Variants in PHLPP1 observed in about 807,000 individuals in gnomAD.
PHLPP1 encodes PH domain leucine-rich repeat-containing protein phosphatase 1.
Under a neutral mutation model 117.2 loss-of-function variants are expected in PHLPP1, and 42 were observed. The observed-to-expected ratio is 0.36, with a 90% CI of 0.28 to 0.46. The LOEUF is 0.46. Ranked by LOEUF, PHLPP1 falls within the 20% of genes least tolerant of loss-of-function variation. PHLPP1 has a pLI of 1.00. For missense variants in PHLPP1, 2,084 were observed against 2,241.9 expected, an observed-to-expected ratio of 0.93 and a Z score of 1.42; for synonymous variants, 1,042 against 970.7, an observed-to-expected ratio of 1.07 and a Z score of -1.37.
Position 62,873,794 on chromosome 18 carries a change from G to A in PHLPP1, c.2066+13193G>A, listed in dbSNP as rs112808968. On this transcript the variant is annotated intron_variant, in intron 4 of 16. Transcript: ENST00000262719. ...AACAAGAGTTAAGTTCTTAGGGCAT[G>A]TTTCTGGTTACAACACCACGAAACT... 8.2e-3 allele frequency among the ~76,000 whole-genome samples: 1,245 copies of A among 152,250 alleles called. 19 individuals carry two copies. Among genetic ancestry groups the A allele is most frequent in the African/African-American group, 0.029 (1,192 of 41,538 alleles).
At chr18:62,739,177 C>A (rs1175797897) in intron 1 of PHLPP1, among the ~76,000 whole-genome samples, 2 of 152,062 alleles carry the variant, frequency 1.3e-5, no homozygotes, top group African/African-American at 4.8e-5. Flanking sequence ...AGTTTTGAAG[C>A]CTTTGGATTG....
rs1392915282 is a variant in PHLPP1 at position 62,978,897 on chromosome 18, C to T, written c.4620C>T (p.Phe1540=). The change falls in exon 17 of 17, where the codon TTC becomes TTT. Residue 1540 remains phenylalanine, a synonymous_variant. Transcript: ENST00000262719. This position sits in a 1 kb window ranked among gnomAD's most constrained non-coding sequence, Gnocchi z 7.0. The part of the protein sequence containing the change: ...QLSSATFSSA[F]SDNGLDSDDE... ...CCAGCGCCACGTTCTCTAGCGCCTTCTCCGACAACGGCCTTGACAGTGACG... is the reference window on the plus strand; with the variant it reads ...CCAGCGCCACGTTCTCTAGCGCCTTTTCCGACAACGGCCTTGACAGTGACG... The T allele has an allele frequency of 6.2e-7, 1 of 1,607,302 alleles. No individual in the cohort carries two copies. The highest frequency in any genetic ancestry group is 8.5e-7 in the Non-Finnish European group (1 of 1,177,058).
chr18:62,937,967 C>T (rs905888869), intron 10 of PHLPP1, among the ~76,000 whole-genome samples: 48 of 152,078 alleles, frequency 3.2e-4, no homozygotes, highest in African/African-American at 1.1e-3. Context: ...AGCCAAATGC[C>T]ACTGCATTCC....
chr18:62,854,726 C>T (rs532233352), intron 3 of PHLPP1, among the ~76,000 whole-genome samples: 118 of 129,174 alleles, frequency 9.1e-4, no homozygotes, highest in Admixed American at 1.6e-3. Context: ...GATGAAGTTT[C>T]GCTCTTGTCA....
chr18:62,728,388 G>A (rs1377995924), intron 1 of PHLPP1, among the ~76,000 whole-genome samples: 1 of 152,084 alleles, frequency 6.6e-6, no homozygotes, highest in Non-Finnish European at 1.5e-5. Context: ...TTTGCATTAG[G>A]CAGCAGTCTC....
At chr18:62,759,202 C>G (rs1294751361) in intron 1 of PHLPP1, among the ~76,000 whole-genome samples, 1 of 152,142 alleles carries the variant, frequency 6.6e-6, no homozygotes, top group Non-Finnish European at 1.5e-5. Flanking sequence ...TCAGATGGCC[C>G]TGTCATTCAG....
intron 12 of PHLPP1, among the ~76,000 whole-genome samples, chr18:62,957,692 G>A (rs1178426289): frequency 6.6e-6 from 1 of 150,910 alleles, no homozygotes; most frequent in Non-Finnish European, 1.5e-5. Flanking sequence ...TGTGGTCTCT[G>A]CAACCTGCAC....
At chr18:62,718,384 T>C (rs1386147070) in intron 1 of PHLPP1, among the ~76,000 whole-genome samples, 1 of 152,248 alleles carries the variant, frequency 6.6e-6, no homozygotes, top group Non-Finnish European at 1.5e-5. Flanking sequence ...TGTCTTTTGG[T>C]CCAGCTTGTG....
At chr18:62,913,211 A>G (rs1917007420) in intron 8 of PHLPP1, among the ~76,000 whole-genome samples, 1 of 152,178 alleles carries the variant, frequency 6.6e-6, no homozygotes, top group Non-Finnish European at 1.5e-5. Context: ...TATCACTTAC[A>G]GAAGTTTTAA....
intron 1 of PHLPP1, among the ~76,000 whole-genome samples, chr18:62,774,231 T>G (rs975604676): frequency 2.0e-5 from 3 of 152,210 alleles, no homozygotes; most frequent in Admixed American, 6.5e-5. Flanking sequence ...TTTTTTTCTC[T>G]TCTTTCCTGA....
At position 62,824,484 on chromosome 18, in the gene PHLPP1, G is replaced by C. The variant is rs112509461; in HGVS notation, c.1577-5551G>C. Among the ~76,000 whole-genome samples the C allele has an allele frequency of 3.8e-3, 573 of 152,258 alleles. 3 individuals are homozygous for C. Among genetic ancestry groups the C allele is most frequent in the Middle Eastern group, 0.01 (3 of 294 alleles). ...GCCTGAGCGCGGGAGGAACTCTGGA[G>C]GGATATAGGGGGAGGGAGAAATCAC... On this transcript the variant is annotated intron_variant, in intron 1 of 16. Coordinates refer to ENST00000262719, the MANE Select transcript of PHLPP1 (RefSeq NM_194449.4).
chr18:62,972,012 G>A (rs1336309260), intron 14 of PHLPP1, among the ~76,000 whole-genome samples: 1 of 152,088 alleles, frequency 6.6e-6, no homozygotes, highest in African/African-American at 2.4e-5. Context: ...CTGCAGCCTA[G>A]GTGATAGAGG....
At chr18:62,830,953 CCTAT>C (rs1159181820) in intron 2 of PHLPP1, among the ~76,000 whole-genome samples, 12 of 152,252 alleles carry the variant, frequency 7.9e-5, no homozygotes, top group South Asian at 2.1e-4. Flanking sequence ...CACATTTTCC[CCTAT>C]CTGTGTTTAG....
At chr18:62,927,640 A>G (rs1048984894) in intron 10 of PHLPP1, among the ~76,000 whole-genome samples, 1 of 152,132 alleles carries the variant, frequency 6.6e-6, no homozygotes, top group East Asian at 1.9e-4. Context: ...AATAAGGGAC[A>G]TTAAAGAAAC....
rs181820452 is a variant in PHLPP1 at position 62,955,515 on chromosome 18, C to T, written c.3325-3114C>T. On this transcript the variant is annotated intron_variant, in intron 12 of 16. Coordinates refer to ENST00000262719, the MANE Select transcript of PHLPP1 (RefSeq NM_194449.4). ...GTCAGTCCAGGGTAGTGGAGCTCGA[C>T]GGAAGGGAACCTGCTGCAGTGAATC... Among the ~76,000 whole-genome samples, 1,097 of 152,190 alleles carry T rather than the reference C, an allele frequency of 7.2e-3. 10 individuals carry two copies. Among genetic ancestry groups the T allele is most frequent in the Middle Eastern group, 0.024 (7 of 294 alleles).
rs371072879 is a variant in PHLPP1, at chr18:62,871,875, C to G, written c.2066+11274C>G. Among the ~76,000 whole-genome samples, 4 of 152,090 alleles carry G rather than the reference C, an allele frequency of 2.6e-5. No individual in the cohort carries two copies. The South Asian group carries it at 6.2e-4, about 24-fold the overall frequency. On this transcript the variant is annotated intron_variant, in intron 4 of 16. Coordinates refer to ENST00000262719, the MANE Select transcript of PHLPP1 (RefSeq NM_194449.4). ...GGCCAGGCTGGTCTTGAATTCCTCA[C>G]CTCAAGTGATCCGCCTGCCTCGGCC...
At chr18:62,970,764 C>G (rs1911028710) in intron 14 of PHLPP1, among the ~76,000 whole-genome samples, 1 of 149,770 alleles carries the variant, frequency 6.7e-6, no homozygotes, top group Admixed American at 6.6e-5. Context: ...GACTCCATCT[C>G]AAAAAAAAAT....
At chr18:62,803,151 G>A (rs1229740391) in intron 1 of PHLPP1, among the ~76,000 whole-genome samples, 1 of 151,972 alleles carries the variant, frequency 6.6e-6, no homozygotes, top group Admixed American at 6.6e-5. Context: ...ATATGTTAAG[G>A]GTTCATATTG....
chr18:62,767,899 G>T (rs1423140734), intron 1 of PHLPP1, among the ~76,000 whole-genome samples: 1 of 152,184 alleles, frequency 6.6e-6, no homozygotes, highest in Non-Finnish European at 1.5e-5. Flanking sequence ...TCCACAAAGT[G>T]GTTTGGAATG....
Sources: gnomAD v4.1 joint callset for allele counts (sites outside exome capture counted in the v4.1 genomes callset) on GRCh38, gnomAD v4.1.1 for gene constraint, Gnocchi (gnomAD v3.1) non-coding constraint, MANE v1.5 for transcripts, NCBI Gene and HGNC (gene_info 2026-07-23, HGNC 2026-07-21) for gene names.